The following PRUNE2 variants were observed in gnomAD, a reference collection of about 807,000 sequenced individuals.
The protein encoded by PRUNE2 is protein prune homolog 2.
In PRUNE2, 164 loss-of-function variants were observed where a neutral mutation model predicts 252.0. The ratio of observed to expected loss-of-function variants is 0.65; its 90% CI spans 0.57 to 0.74. The LOEUF (loss-of-function observed/expected upper bound fraction) is 0.74. Among genes scored for constraint, PRUNE2 ranks in the 30% least tolerant of loss-of-function variants. The pLI is 0.00. For missense variants in PRUNE2, 3,495 were observed against 3,711.0 expected, an observed-to-expected ratio of 0.94 and a Z score of 1.51; for synonymous variants, 1,292 against 1,350.2, an observed-to-expected ratio of 0.96 and a Z score of 0.94.
intron 6 of PRUNE2, among the ~76,000 whole-genome samples, chr9:76,772,557 G>A (rs912741355): frequency 6.6e-6 from 1 of 152,080 alleles, no homozygotes; most frequent in Admixed American, 6.6e-5. Context: ...TGTGAACATG[G>A]TAAATTATTT....
At chr9:76,680,879 G>A (rs577502640) in intron 9 of PRUNE2, among the ~76,000 whole-genome samples, 3 of 152,092 alleles carry the variant, frequency 2.0e-5, no homozygotes, top group African/African-American at 4.8e-5. Flanking sequence ...TCAAACAACC[G>A]GATCTCGTGA....
intron 6 of PRUNE2, chr9:76,819,379 AGATCCAGGT>A (rs1464078101): frequency 6.6e-6 from 1 of 152,330 alleles, no homozygotes; most frequent in East Asian, 1.9e-4. Flanking sequence ...ATGAAGGCAG[AGATCCAGGT>A]GATGCTTCTA....
chr9:76,809,570 C>T (rs142319889), intron 6 of PRUNE2, among the ~76,000 whole-genome samples: 133 of 152,192 alleles, frequency 8.7e-4, no homozygotes, highest in African/African-American at 3.1e-3. Context: ...GTCGCGCGCA[C>T]CTATAGTCCC....
chr9:76,636,595 C>T (rs1297802067), intron 14 of PRUNE2, 38 bp from the exon 15 acceptor site: 2 of 1,081,982 alleles, frequency 1.8e-6, no homozygotes, highest in Admixed American at 2.1e-5. Context: ...TTACTCTTAA[C>T]CCATTTTCAG....
chr9:76,792,550 T>C lies in PRUNE2; in HGVS notation c.756+31082A>G, dbSNP rs186343252. Reference sequence around the variant, plus strand: ...GGTGATATTGTTAGGCAGAGAGAAATAGGCCGGGTCATCAGGATGCAACAT... The same window carrying C: ...GGTGATATTGTTAGGCAGAGAGAAACAGGCCGGGTCATCAGGATGCAACAT... On this transcript the variant is annotated intron_variant, in intron 6 of 18. Coordinates refer to ENST00000376718, the MANE Select transcript of PRUNE2 (RefSeq NM_015225.3). 1.2e-4 allele frequency among the ~76,000 whole-genome samples: 18 copies of C among 152,296 alleles called. No individual in the cohort carries two copies. In the East Asian group the frequency reaches 3.5e-3, roughly 29 times the overall value.
chr9:76,800,406 CT>C (rs1467546528), intron 6 of PRUNE2, among the ~76,000 whole-genome samples: 1 of 152,112 alleles, frequency 6.6e-6, no homozygotes, highest in African/African-American at 2.4e-5. Context: ...AGCCCTCTAG[CT>C]TTCTATTAGA....
chr9:76,883,838 C>G (rs2061934573), intron 1 of PRUNE2, among the ~76,000 whole-genome samples: 1 of 152,204 alleles, frequency 6.6e-6, no homozygotes, highest in African/African-American at 2.4e-5. Context: ...GTCTCTTTCT[C>G]CATCCCTTGA....
chr9:76,725,323 T>C (rs912847387), intron 6 of PRUNE2, among the ~76,000 whole-genome samples: 1 of 152,222 alleles, frequency 6.6e-6, no homozygotes, highest in Non-Finnish European at 1.5e-5. Flanking sequence ...CTCACGCTCC[T>C]TGCATGGGGA....
At chr9:76,832,867 A>G (rs537244363) in intron 4 of PRUNE2, among the ~76,000 whole-genome samples, 16 of 152,234 alleles carry the variant, frequency 1.1e-4, no homozygotes, top group African/African-American at 3.8e-4. Flanking sequence ...ACATAACTAG[A>G]TTCTACGGAC....
chr9:76,799,156 C>T (rs1321636809), intron 6 of PRUNE2, among the ~76,000 whole-genome samples: 2 of 152,090 alleles, frequency 1.3e-5, no homozygotes, highest in Admixed American at 1.3e-4. Context: ...GCCTGGCCAA[C>T]ATGGTGAAAT....
chr9:76,727,820 C>T (rs879411426), intron 6 of PRUNE2, among the ~76,000 whole-genome samples: 2 of 143,348 alleles, frequency 1.4e-5, no homozygotes, highest in Non-Finnish European at 3.0e-5. Flanking sequence ...TTCAAGTGAT[C>T]CTTCCACCTC....
rs1326271284 is a variant in PRUNE2, at chr9:76,637,498, C to G, written c.8883G>C (p.Val2961=). Residue 2961 remains valine, a synonymous_variant, in exon 14 of 19, where the codon GTG becomes GTC. Transcript: ENST00000376718. ...ELMVAEDYMI[V]YLNGATPRRR... ...TTCTTGGGGTTGCACCATTCAAGTACACAATCATATAGTCTTCAGCTACCA... is the reference window on the plus strand; with the variant it reads ...TTCTTGGGGTTGCACCATTCAAGTAGACAATCATATAGTCTTCAGCTACCA... 6.2e-7 allele frequency: 1 copy of G among 1,613,236 alleles called. No individual in the cohort carries two copies. The highest frequency in any genetic ancestry group is 1.3e-5 in the African/African-American group (1 of 75,008).
In PRUNE2 at chr9:76,706,172, T is replaced by C; in HGVS notation, c.6102A>G (p.Glu2034=). The C allele has an allele frequency of 6.2e-7, 1 of 1,613,970 alleles. No homozygotes were observed. Among genetic ancestry groups the C allele is most frequent in the Non-Finnish European group, 8.5e-7 (1 of 1,179,882 alleles). Residue 2034 remains glutamate (E), a synonymous_variant, in exon 8 of 19, where the codon GAA becomes GAG. Transcript: ENST00000376718. ...PTQLIMKPGS[E]WDGSTPSEDS... ...CCTCACTTGGGGTAGAGCCATCCCA[T>C]TCAGAGCCTGGCTTCATTATCAGTT...
At chr9:76,885,906 G>A (rs752879766) in intron 1 of PRUNE2, among the ~76,000 whole-genome samples, 3 of 152,088 alleles carry the variant, frequency 2.0e-5, no homozygotes, top group Non-Finnish European at 4.4e-5. Flanking sequence ...GCGGCCGGGT[G>A]CGGCGGTTTA....
At chr9:76,809,999 C>T (rs894161539) in intron 6 of PRUNE2, among the ~76,000 whole-genome samples, 7 of 152,128 alleles carry the variant, frequency 4.6e-5, no homozygotes, top group South Asian at 2.1e-4. Context: ...TTGGGCTTCA[C>T]GGGCAGGAAG....
At chr9:76,696,565 A>G (rs1422216714) in intron 9 of PRUNE2, among the ~76,000 whole-genome samples, 2 of 152,170 alleles carry the variant, frequency 1.3e-5, no homozygotes, top group Non-Finnish European at 2.9e-5. Context: ...AGCTGGGACT[A>G]CAGGTGCCCG....
chr9:76,828,886 G>A (rs536465286), intron 4 of PRUNE2, among the ~76,000 whole-genome samples: 4 of 151,774 alleles, frequency 2.6e-5, no homozygotes, highest in South Asian at 4.2e-4. Context: ...GAGCGGTGGC[G>A]GGTGCCTGTA....
intron 6 of PRUNE2, among the ~76,000 whole-genome samples, chr9:76,726,996 C>T (rs7044286): frequency 0.67 from 102,348 of 152,130 alleles, 35,192 homozygotes; most frequent in East Asian, 0.91. Flanking sequence ...CAGAAAAAAA[C>T]CTAAATTCGT....
chr9:76,753,919 GA>G lies in PRUNE2; in HGVS notation c.757-40199del, dbSNP rs369077074. Among the ~76,000 whole-genome samples the G allele has an allele frequency of 4.9e-3, 631 of 129,052 alleles. 1 individual carries two copies. Among genetic ancestry groups the G allele is most frequent in the South Asian group, 0.01 (41 of 3,958 alleles). 84.7% of individuals were successfully genotyped at this position (129,052 alleles called of 152,430 possible). A position where few individuals can be genotyped will look rare whatever the true frequency, so the allele number is the denominator to read the frequency against. ...GGTGACTGAGCAAGACTCTGTCTCA[GA>G]AAAAAAAAAAAAAAAGTTGCCTAAG... On this transcript the variant is annotated intron_variant, in intron 6 of 18. Coordinates refer to ENST00000376718, the MANE Select transcript of PRUNE2 (RefSeq NM_015225.3).
Sources: gnomAD v4.1 joint callset for allele counts (sites outside exome capture counted in the v4.1 genomes callset) on GRCh38, gnomAD v4.1.1 for gene constraint, MANE v1.5 for transcripts, NCBI Gene and HGNC (gene_info 2026-07-23, HGNC 2026-07-21) for gene names.